Variants in PDE1C observed in about 807,000 individuals in gnomAD.
PDE1C encodes phosphodiesterase 1C, also known as dual specificity calcium/calmodulin-dependent 3',5'-cyclic nucleotide phosphodiesterase 1C.
PDE1C carries 62 observed loss-of-function variants against 93.1 expected under a neutral mutation model. The observed-to-expected ratio is 0.67, with a 90% CI of 0.54 to 0.82. The LOEUF (loss-of-function observed/expected upper bound fraction) is 0.82. Among genes scored for constraint, PDE1C ranks in the 40% least tolerant of loss-of-function variants. The probability of loss-of-function intolerance (pLI) is 0.00; values close to 1 mark genes in which losing one functional copy is unlikely to be tolerated. For missense variants in PDE1C, 742 were observed against 884.6 expected, an observed-to-expected ratio of 0.84 and a Z score of 2.04; for synonymous variants, 325 against 310.1, an observed-to-expected ratio of 1.05 and a Z score of -0.50.
chr7:32,062,600 G>A (rs149822220), intron 1 of PDE1C, among the ~76,000 whole-genome samples: 6 of 152,232 alleles, frequency 3.9e-5, no homozygotes, highest in Non-Finnish European at 7.4e-5. Context: ...TCTGAATCCC[G>A]GACCAGGTTT....
At chr7:31,717,344 G>A in the PDE1C span, among the ~76,000 whole-genome samples, 7 of 152,188 alleles carry the variant, frequency 4.6e-5, no homozygotes, top group Non-Finnish European at 8.8e-5. Context: ...GATTATTAAG[G>A]TCACTTTGCA....
chr7:32,032,153 A>G (rs1790415409), intron 2 of PDE1C, among the ~76,000 whole-genome samples: 1 of 152,184 alleles, frequency 6.6e-6, no homozygotes, highest in Admixed American at 6.5e-5. Context: ...TGTTATAATC[A>G]CATGTGTTCT....
At chr7:32,108,387 T>C (rs570007064) in intron 3 of PDE1C, among the ~76,000 whole-genome samples, 3 of 150,644 alleles carry the variant, frequency 2.0e-5, no homozygotes, top group African/African-American at 4.9e-5. Context: ...AGTCAAAACA[T>C]TGAAATACAG....
exon 1 of PDE1C, chr7:32,298,675 T>C: frequency 6.2e-7 from 1 of 1,607,882 alleles, no homozygotes; most frequent in Non-Finnish European, 8.5e-7. Flanking sequence ...TAGCCATCGA[T>C]GCTGAAAGTG....
intron 1 of PDE1C, among the ~76,000 whole-genome samples, chr7:32,062,555 C>T (rs764699823): frequency 6.6e-6 from 1 of 152,210 alleles, no homozygotes; most frequent in Non-Finnish European, 1.5e-5. Context: ...ATCTTCATGT[C>T]TCAGCATGCG....
chr7:32,148,081 C>T (rs56026548), intron 3 of PDE1C, among the ~76,000 whole-genome samples: 24,804 of 149,412 alleles, frequency 0.17, 2,469 homozygotes, highest in Middle Eastern at 0.25. Flanking sequence ...CCTTGCTGAA[C>T]TCCCTGCTGG....
intron 3 of PDE1C, among the ~76,000 whole-genome samples, chr7:32,161,342 T>C (rs190167968): frequency 4.7e-4 from 71 of 152,270 alleles, no homozygotes; most frequent in African/African-American, 1.6e-3. Context: ...ATCCTTGACA[T>C]TGGGCTACAC....
intron 1 of PDE1C, among the ~76,000 whole-genome samples, chr7:32,062,263 T>A (rs2128711957): frequency 6.6e-6 from 1 of 152,270 alleles, no homozygotes; most frequent in Admixed American, 6.5e-5. Context: ...CATATCCAAG[T>A]CCTGTTGGAT....
In PDE1C at chr7:31,998,030, A is replaced by ATTTT. The variant is rs201449721; in HGVS notation, c.128+53520_128+53523dup. On this transcript the variant is annotated intron_variant, in intron 2 of 17. Coordinates refer to ENST00000396191, the MANE Select transcript of PDE1C (RefSeq NM_001191057.4). ...TTTATTTTTATTTATTTATTTATTT[A>ATTTT]TTTTTTTGAGACGGAGTCTCACTCT... Among the ~76,000 whole-genome samples the ATTTT allele has an allele frequency of 1.5e-3, 233 of 150,812 alleles. 2 individuals carry two copies. The highest frequency in any genetic ancestry group is 3.4e-3 in the African/African-American group (138 of 41,066).
At chr7:31,621,243 G>C in the PDE1C span, among the ~76,000 whole-genome samples, 1 of 151,586 alleles carries the variant, frequency 6.6e-6, no homozygotes, top group Admixed American at 6.6e-5. Context: ...TTCAGATTCA[G>C]GAAATGCAGA....
chr7:31,885,891 C>T (rs373865042), intron 2 of PDE1C, among the ~76,000 whole-genome samples: 4 of 152,250 alleles, frequency 2.6e-5, no homozygotes, highest in African/African-American at 9.6e-5. Flanking sequence ...GAGCATTAGA[C>T]CCTACTAGAA....
chr7:31,749,962 T>C (rs375263014), downstream of PDE1C, among the ~76,000 whole-genome samples: 2 of 152,054 alleles, frequency 1.3e-5, no homozygotes, highest in South Asian at 4.2e-4. Context: ...GGTCTCGAAC[T>C]CCTGACCTCA....
chr7:31,865,198 G>A (rs1246826104), intron 6 of PDE1C, 116 bp from the exon 7 acceptor site: 2 of 901,272 alleles, frequency 2.2e-6, no homozygotes, highest in African/African-American at 1.7e-5. Flanking sequence ...TGAGGAAATT[G>A]GAACTTACAC....
intron 6 of PDE1C, among the ~76,000 whole-genome samples, chr7:31,868,077 G>A (rs2128850524): frequency 6.6e-6 from 1 of 152,278 alleles, no homozygotes; most frequent in Middle Eastern, 3.4e-3. Flanking sequence ...TTTTAAAAAT[G>A]GAAATAAGTG....
At chr7:32,236,504 C>T (rs906328287) in intron 1 of PDE1C, among the ~76,000 whole-genome samples, 10 of 151,914 alleles carry the variant, frequency 6.6e-5, no homozygotes, top group African/African-American at 2.4e-5. Context: ...AAGATTTAGA[C>T]ATTTTACATA....
At chr7:31,899,948 A>C (rs1014548315) in intron 2 of PDE1C, among the ~76,000 whole-genome samples, 1 of 152,180 alleles carries the variant, frequency 6.6e-6, no homozygotes, top group African/African-American at 2.4e-5. Context: ...GTATGCAGGG[A>C]TGCTGCTAAA....
At chr7:31,637,335 T>C in the PDE1C span, among the ~76,000 whole-genome samples, 1 of 152,200 alleles carries the variant, frequency 6.6e-6, no homozygotes, top group Non-Finnish European at 1.5e-5. Context: ...ATGGTTGAAC[T>C]AGTTTACAGT....
At chr7:31,944,890 TTTTAA>T (rs1184691785) in intron 2 of PDE1C, among the ~76,000 whole-genome samples, 1 of 152,176 alleles carries the variant, frequency 6.6e-6, no homozygotes, top group Non-Finnish European at 1.5e-5. Context: ...TTGAAGAAAC[TTTTAA>T]TTTTAGAATA....
Position 32,105,493 on chromosome 7 carries a change from A to T in PDE1C, c.308+64292T>A, listed in dbSNP as rs567537863. On this transcript the variant is annotated intron_variant, in intron 3 of 18. Transcript: ENST00000396193. Reference sequence around the variant, plus strand: ...CCTAGATAGACAATTTCCTTATCCCAATAAGACTGAAGGTTTAGTCTTTGT... The same window carrying T: ...CCTAGATAGACAATTTCCTTATCCCTATAAGACTGAAGGTTTAGTCTTTGT... Among the ~76,000 whole-genome samples, 4 of 152,294 alleles carry T rather than the reference A, an allele frequency of 2.6e-5. No homozygotes were observed. In the East Asian group the frequency reaches 7.7e-4, roughly 29 times the overall value.
Sources: allele counts gnomAD v4.1 joint callset (sites outside exome capture counted in the v4.1 genomes callset), GRCh38; gene constraint gnomAD v4.1.1; transcripts MANE v1.5; gene names NCBI Gene and HGNC (gene_info 2026-07-23, HGNC 2026-07-21).